CDC14B: variants seen among roughly 807,000 people sequenced by gnomAD.
CDC14B encodes cell division cycle 14B, also known as dual specificity protein phosphatase CDC14B.
A neutral mutation model predicts 64.2 loss-of-function variants in CDC14B; 22 were observed. The ratio of observed to expected loss-of-function variants is 0.34; its 90% confidence interval spans 0.24 to 0.49. The LOEUF (loss-of-function observed/expected upper bound fraction) is 0.49, where lower values mean the gene tolerates loss of function less well. Ranked by LOEUF, CDC14B falls within the 20% of genes least tolerant of loss-of-function variation. The pLI is 0.99. For synonymous variants in CDC14B, 191 were observed against 215.8 expected, an observed-to-expected ratio of 0.89 and a Z score of 1.01; for missense variants, 498 against 629.9, an observed-to-expected ratio of 0.79 and a Z score of 2.24.
At chr9:96,598,742 T>C (rs918490432) in intron 1 of CDC14B, among the ~76,000 whole-genome samples, 1 of 152,232 alleles carries the variant, frequency 6.6e-6, no homozygotes, top group Non-Finnish European at 1.5e-5. Context: ...AACTCAGCAG[T>C]GCACTTTTGG....
rs1224025499 is a variant in CDC14B, at chr9:96,562,835, T to C, written c.328-50A>G. 2.6e-6 allele frequency: 3 copies of C among 1,170,782 alleles called. No homozygotes were observed. In the African/African-American group the frequency reaches 4.6e-5, roughly 18 times the overall value. The allele number at this position is 1,170,782 out of a possible 1,614,324, so 72.5% of individuals were successfully genotyped here. On this transcript the variant is annotated intron_variant, in intron 3 of 13. Transcript: ENST00000375241. The stretch of plus-strand genomic sequence containing the variant: ...GCATTTTCTTTTTAATTTCAAGTCT[T>C]CCACAATTTCATTTTGTGATGAAGA...
At chr9:96,601,471 T>C (rs1168874406) in intron 1 of CDC14B, among the ~76,000 whole-genome samples, 28 of 150,280 alleles carry the variant, frequency 1.9e-4, no homozygotes, top group Admixed American at 7.3e-4. Flanking sequence ...CACTCCAGCC[T>C]GGTGACAGAA....
chr9:96,517,168 C>T (rs1391839584), intron 12 of CDC14B, among the ~76,000 whole-genome samples: 21 of 150,198 alleles, frequency 1.4e-4, no homozygotes, highest in Non-Finnish European at 2.8e-4. Flanking sequence ...GGTGAAACCC[C>T]GTCTCTACTA....
intron 13 of CDC14B, among the ~76,000 whole-genome samples, chr9:96,494,904 G>A (rs546411643): frequency 1.0e-3 from 157 of 150,064 alleles, no homozygotes; most frequent in Non-Finnish European, 1.8e-3. Flanking sequence ...GCGCGATCTC[G>A]GCTCACTGCA....
intron 5 of CDC14B, among the ~76,000 whole-genome samples, chr9:96,546,695 T>C (rs1347434530): frequency 6.6e-6 from 1 of 151,750 alleles, no homozygotes; most frequent in African/African-American, 2.4e-5. Flanking sequence ...GGTGATCCAC[T>C]TGCCTCAGCC....
chr9:96,529,672 T>C (rs2131644095), intron 9 of CDC14B, among the ~76,000 whole-genome samples: 1 of 152,064 alleles, frequency 6.6e-6, no homozygotes, highest in South Asian at 2.1e-4. Flanking sequence ...TTGTATTTTT[T>C]AGTAGAGATG....
At chr9:96,574,283 C>A (rs928998314) in intron 1 of CDC14B, among the ~76,000 whole-genome samples, 1 of 151,968 alleles carries the variant, frequency 6.6e-6, no homozygotes, top group African/African-American at 2.4e-5. Context: ...TAAATGAAAA[C>A]ATCTCATATG....
At chr9:96,520,412 C>G (rs910138279) in intron 12 of CDC14B, among the ~76,000 whole-genome samples, 5 of 152,252 alleles carry the variant, frequency 3.3e-5, no homozygotes, top group East Asian at 3.9e-4. Flanking sequence ...ATGCAGTGAT[C>G]ATGGCTCACT....
At chr9:96,526,261 G>C (rs544695323) in intron 9 of CDC14B, among the ~76,000 whole-genome samples, 2 of 152,112 alleles carry the variant, frequency 1.3e-5, no homozygotes, top group African/African-American at 4.8e-5. Context: ...CCAGCTACTC[G>C]GGAGGCTGAG....
intron 13 of CDC14B, among the ~76,000 whole-genome samples, chr9:96,504,893 G>A (rs1833912801): frequency 6.6e-6 from 1 of 152,182 alleles, no homozygotes; most frequent in African/African-American, 2.4e-5. Context: ...TAAGGAAAGA[G>A]GCCGGGCGCC....
chr9:96,543,981 G>A (rs1402288865), intron 5 of CDC14B, among the ~76,000 whole-genome samples: 1 of 152,166 alleles, frequency 6.6e-6, no homozygotes, highest in Non-Finnish European at 1.5e-5. Context: ...CACTTTGGGA[G>A]GCCGAGGCAG....
intron 4 of CDC14B, among the ~76,000 whole-genome samples, chr9:96,559,404 T>G (rs1842878447): frequency 6.6e-6 from 1 of 152,206 alleles, no homozygotes; most frequent in Admixed American, 6.5e-5. Flanking sequence ...AGAACCTTAC[T>G]CTCTCCAAAA....
intron 1 of CDC14B, among the ~76,000 whole-genome samples, chr9:96,576,754 C>A (rs183252996): frequency 1.5e-3 from 224 of 151,388 alleles, no homozygotes; most frequent in Non-Finnish European, 2.3e-3. Context: ...CATCCATAAT[C>A]ATAGAAGACT....
intron 4 of CDC14B, among the ~76,000 whole-genome samples, chr9:96,561,261 A>G (rs1331391261): frequency 5.3e-5 from 8 of 152,184 alleles, no homozygotes; most frequent in African/African-American, 1.9e-4. Flanking sequence ...GACCTTAACC[A>G]CTGCTGTTAA....
At chr9:96,564,029 A>C (rs1164440817) in intron 3 of CDC14B, among the ~76,000 whole-genome samples, 2 of 152,250 alleles carry the variant, frequency 1.3e-5, no homozygotes, top group Non-Finnish European at 2.9e-5. Flanking sequence ...AATTCTAATT[A>C]AAAATAAATT....
At chr9:96,510,100 C>G (rs1417372342) in intron 12 of CDC14B, among the ~76,000 whole-genome samples, 2 of 152,144 alleles carry the variant, frequency 1.3e-5, no homozygotes, top group African/African-American at 4.8e-5. Flanking sequence ...TTGTGCCCAA[C>G]AAAAGTAGAA....
chr9:96,546,858 T>C (rs149063340), intron 5 of CDC14B, among the ~76,000 whole-genome samples: 7,923 of 151,716 alleles, frequency 0.052, 695 homozygotes, highest in African/African-American at 0.18. Context: ...GTCAGGAGAT[T>C]GAGACCATCC....
chr9:96,563,230 G>C (rs1843453225), intron 3 of CDC14B, among the ~76,000 whole-genome samples: 1 of 152,210 alleles, frequency 6.6e-6, no homozygotes, highest in East Asian at 1.9e-4. Flanking sequence ...ACAGCATGGA[G>C]GGCTGCTATG....
At chr9:96,555,332 T>C (rs546055916) in intron 4 of CDC14B, among the ~76,000 whole-genome samples, 1 of 152,262 alleles carries the variant, frequency 6.6e-6, no homozygotes, top group African/African-American at 2.4e-5. Context: ...GCAGCCCACG[T>C]GGTATGGAAG....
Sources: gnomAD v4.1 joint callset for allele counts (sites outside exome capture counted in the v4.1 genomes callset) on GRCh38, gnomAD v4.1.1 for gene constraint, MANE v1.5 for transcripts, NCBI Gene and HGNC (gene_info 2026-07-23, HGNC 2026-07-21) for gene names.